CREB5: variants seen among roughly 807,000 people sequenced by gnomAD.
The protein encoded by CREB5 is cyclic AMP-responsive element-binding protein 5.
Under a neutral mutation model 57.1 loss-of-function variants are expected in CREB5, and 19 were observed. The ratio of observed to expected loss-of-function variants is 0.33; its 90% CI spans 0.23 to 0.49. The LOEUF (loss-of-function observed/expected upper bound fraction) is 0.49, where lower values mean the gene tolerates loss of function less well. CREB5 is among the 20% of genes least tolerant of loss of function. CREB5 has a pLI of 0.99. For synonymous variants in CREB5, 238 were observed against 238.3 expected, an observed-to-expected ratio of 1.00 and a Z score of 0.01; for missense variants, 579 against 671.6, an observed-to-expected ratio of 0.86 and a Z score of 1.52.
intron 1 of CREB5, among the ~76,000 whole-genome samples, chr7:28,343,450 G>C (rs1347450505): frequency 6.6e-6 from 1 of 152,084 alleles, no homozygotes; most frequent in African/African-American, 2.4e-5. Flanking sequence ...TACAGTATTT[G>C]TCTTTCTGTG....
chr7:28,752,228 A>G (rs1454239693), intron 7 of CREB5, among the ~76,000 whole-genome samples: 1 of 152,106 alleles, frequency 6.6e-6, no homozygotes, highest in African/African-American at 2.4e-5. Context: ...GAGCAGTGGC[A>G]AGACCTCAGC....
chr7:28,580,651 T>A lies in CREB5; in HGVS notation c.464+10114T>A, dbSNP rs796118458. 4.6e-5 allele frequency among the ~76,000 whole-genome samples: 7 copies of A among 150,842 alleles called. 1 individual carries two copies. Among genetic ancestry groups the A allele is most frequent in the African/African-American group, 1.7e-4 (7 of 41,196 alleles). On this transcript the variant is annotated intron_variant, in intron 5 of 10. Coordinates refer to ENST00000357727, the MANE Select transcript of CREB5 (RefSeq NM_182898.4). ...TGTGTGAAACTTTGGCTACCCCACC[T>A]GAAGCCACAGACAAACAGCCTTATA... is the stretch of plus-strand genomic sequence containing the variant.
At chr7:28,414,627 T>C (rs1175751008) in intron 1 of CREB5, among the ~76,000 whole-genome samples, 1 of 152,178 alleles carries the variant, frequency 6.6e-6, no homozygotes, top group Non-Finnish European at 1.5e-5. Flanking sequence ...ATGCTTTAAA[T>C]ACAAAGTCTG....
chr7:28,372,111 G>A (rs139055867), intron 1 of CREB5, among the ~76,000 whole-genome samples: 59 of 152,260 alleles, frequency 3.9e-4, no homozygotes, highest in Non-Finnish European at 7.2e-4. Context: ...TGTGCCAGGC[G>A]CTGGGCTGGC....
chr7:28,435,381 A>AT (rs34815040), intron 1 of CREB5, among the ~76,000 whole-genome samples: 29,699 of 103,510 alleles, frequency 0.29, 4,460 homozygotes, highest in South Asian at 0.33. Context: ...TTTCCCTTCC[A>AT]TTTTTTTTTT....
intron 1 of CREB5, among the ~76,000 whole-genome samples, chr7:28,425,726 A>G (rs1788482511): frequency 6.6e-6 from 1 of 152,216 alleles, no homozygotes; most frequent in African/African-American, 2.4e-5. Flanking sequence ...TGGGATGAGT[A>G]GCTGTTGATA....
chr7:28,435,622 G>T, intron 1 of CREB5: 3 of 985,108 alleles, frequency 3.0e-6, no homozygotes, highest in East Asian at 2.3e-4. Context: ...AAGTTTTAGT[G>T]GTGGAGTCAA....
intron 7 of CREB5, among the ~76,000 whole-genome samples, chr7:28,736,720 T>C (rs1476805303): frequency 1.3e-5 from 2 of 152,088 alleles, no homozygotes; most frequent in Non-Finnish European, 2.9e-5. Context: ...TAAAGCAACG[T>C]GGTGACTGGA....
intron 5 of CREB5, among the ~76,000 whole-genome samples, chr7:28,622,282 C>G (rs1355682504): frequency 6.6e-6 from 1 of 151,898 alleles, no homozygotes; most frequent in East Asian, 1.9e-4. Flanking sequence ...CACACACACA[C>G]ACACACACAC....
intron 5 of CREB5, among the ~76,000 whole-genome samples, chr7:28,638,026 C>G (rs1041000214): frequency 6.6e-6 from 1 of 152,042 alleles, no homozygotes; most frequent in Non-Finnish European, 1.5e-5. Context: ...TCATTAGCCT[C>G]GTTAGCTACA....
chr7:28,686,553 A>G (rs910265245), intron 5 of CREB5, among the ~76,000 whole-genome samples: 2 of 152,106 alleles, frequency 1.3e-5, no homozygotes, highest in African/African-American at 4.8e-5. Context: ...GAAGCGAGAA[A>G]GAGCAAACTC....
chr7:28,654,668 G>A (rs1244710323), intron 5 of CREB5, among the ~76,000 whole-genome samples: 2 of 152,146 alleles, frequency 1.3e-5, no homozygotes, highest in African/African-American at 4.8e-5. Flanking sequence ...GGTATGGGTG[G>A]TATATGGGCA....
intron 7 of CREB5, among the ~76,000 whole-genome samples, chr7:28,789,792 G>T (rs1807555847): frequency 1.3e-5 from 2 of 152,036 alleles, no homozygotes; most frequent in South Asian, 4.1e-4. Context: ...CATTCCTAGA[G>T]TCCCAGATTT....
chr7:28,355,277 G>A lies in CREB5; in HGVS notation c.-25+55836G>A, dbSNP rs1027697971. ...CATGTGCAGCACCTGCTCTGGACAGGACAGAGGAGGTCTGGTGGATTCCTT... is the reference window on the plus strand; with the variant it reads ...CATGTGCAGCACCTGCTCTGGACAGAACAGAGGAGGTCTGGTGGATTCCTT... On this transcript the variant is annotated intron_variant, in intron 1 of 9. Coordinates refer to the CREB5 transcript ENST00000396299. Among the ~76,000 whole-genome samples, 3 of 152,178 alleles carry A rather than the reference G, an allele frequency of 2.0e-5. No homozygotes were observed. The East Asian group carries it at 5.8e-4, about 29-fold the overall frequency.
chr7:28,320,624 G>A (rs967683230), intron 1 of CREB5, among the ~76,000 whole-genome samples: 4 of 152,132 alleles, frequency 2.6e-5, no homozygotes, highest in East Asian at 1.9e-4. Flanking sequence ...AGCCAAGTAC[G>A]GGCCCATATC....
intron 5 of CREB5, among the ~76,000 whole-genome samples, chr7:28,705,508 G>T (rs559168344): frequency 6.6e-6 from 1 of 152,124 alleles, no homozygotes; most frequent in African/African-American, 2.4e-5. Flanking sequence ...GTCACTTTCC[G>T]TTTCTATTTA....
intron 10 of CREB5, 120 bp from the exon 11 acceptor site, chr7:28,818,996 A>C: frequency 8.4e-7 from 1 of 1,188,990 alleles, no homozygotes; most frequent in Non-Finnish European, 1.2e-6. Flanking sequence ...AAAATGTGTG[A>C]AACTTCTATT....
intron 9 of CREB5, among the ~76,000 whole-genome samples, 169 bp from the exon 10 acceptor site, chr7:28,817,900 GCC>G (rs1809532061): frequency 6.6e-6 from 1 of 152,124 alleles, no homozygotes; most frequent in South Asian, 2.1e-4. Flanking sequence ...AAATGTGAGG[GCC>G]AAATTAAAGG....
chr7:28,374,230 G>A (rs1786776992), intron 1 of CREB5, among the ~76,000 whole-genome samples: 1 of 152,214 alleles, frequency 6.6e-6, no homozygotes, highest in African/African-American at 2.4e-5. Context: ...TAGTGCTAGA[G>A]ATGACGCACA....
Sources: allele counts gnomAD v4.1 joint callset (sites outside exome capture counted in the v4.1 genomes callset), GRCh38; gene constraint gnomAD v4.1.1; transcripts MANE v1.5; gene names NCBI Gene and HGNC (gene_info 2026-07-23, HGNC 2026-07-21).